The following SCARF1 variants were observed in gnomAD, a reference collection of about 807,000 sequenced individuals.
SCARF1 encodes acetyl LDL receptor.
In SCARF1, 49 loss-of-function variants were observed where a neutral mutation model predicts 76.3. The ratio of observed to expected loss-of-function variants is 0.64; its 90% CI spans 0.51 to 0.81. The LOEUF is 0.81. Ranked by LOEUF, SCARF1 falls within the 40% of genes least tolerant of loss-of-function variation. The pLI is 0.00. For missense variants in SCARF1, 1,098 were observed against 1,143.9 expected, an observed-to-expected ratio of 0.96 and a Z score of 0.58; for synonymous variants, 495 against 474.6, an observed-to-expected ratio of 1.04 and a Z score of -0.56.
chr17:1,645,142 C>G lies in SCARF1; in HGVS notation c.163+36G>C. 1.2e-6 allele frequency: 2 copies of G among 1,613,174 alleles called. No individual in the cohort carries two copies. Among genetic ancestry groups the G allele is most frequent in the Non-Finnish European group, 1.7e-6 (2 of 1,179,510 alleles). On this transcript the variant is annotated intron_variant, in intron 2 of 10. Coordinates refer to ENST00000263071, the MANE Select transcript of SCARF1 (RefSeq NM_003693.4). This position sits in a 1 kb window ranked among gnomAD's most constrained non-coding sequence, Gnocchi z 6.3. ...GGGTTGTCACTGGGCTACGGCCTCC[C>G]TTCTCCTTGGCTGAGGGTCTGTCCT...
Position 1,645,709 on chromosome 17 carries a change from C to G in SCARF1, c.-12G>C, listed in dbSNP as rs370802289. On this transcript the variant is annotated 5_prime_UTR_variant, in exon 1 of 11. Transcript: ENST00000263071. The surrounding 1 kb of genome is among the most constrained non-coding windows in gnomAD (Gnocchi z 6.3). ...AGCCCCAGCCCCATGGCAGGCAGCT[C>G]GGTGGGAGCGCTCGGGTTCGTCTGG... The G allele has an allele frequency of 5.0e-6, 8 of 1,586,754 alleles. No individual in the cohort carries two copies. Among genetic ancestry groups the G allele is most frequent in the African/African-American group, 2.7e-5 (2 of 74,358 alleles).
Position 1,643,786 on chromosome 17 carries a change from G to A in SCARF1, c.447C>T (p.His149=). Residue 149 remains histidine, a synonymous_variant, in exon 4 of 11, where the codon CAC becomes CAT. Coordinates refer to ENST00000263071, the MANE Select transcript of SCARF1 (RefSeq NM_003693.4). ...GRCDPATGVC[H]CEPGWWSSTC... ...TGGACGACCACCAGCCGGGTTCGCA[G>A]TGGCACACGCCGGTCGCGGGGTCGC... The A allele has an allele frequency of 1.1e-5, 14 of 1,276,698 alleles. No homozygotes were observed. Among genetic ancestry groups the A allele is most frequent in the Non-Finnish European group, 1.3e-5 (13 of 1,015,568 alleles). 79.1% of individuals were successfully genotyped at this position (1,276,698 alleles called of 1,614,324 possible). A position where few individuals can be genotyped will look rare whatever the true frequency, so the allele number is the denominator to read the frequency against.
At position 1,645,679 on chromosome 17, in the gene SCARF1, G is replaced by GCAGCAGCC; in HGVS notation, c.11_18dup (p.Leu7GlyfsTer67). On this transcript the variant is annotated frameshift_variant, in exon 1 of 11. Coordinates refer to ENST00000263071, the MANE Select transcript of SCARF1 (RefSeq NM_003693.4). LOFTEE classifies it high-confidence loss of function. The surrounding 1 kb of genome is among the most constrained non-coding windows in gnomAD (Gnocchi z 6.3). ...CGAGTCCAGAGCAGCAGCAGCGGGA[G>GCAGCAGCC]CAGCAGCCCCAGCCCCATGGCAGGC... 1 of 1,606,618 alleles carries GCAGCAGCC rather than the reference G, an allele frequency of 6.2e-7. No individual in the cohort carries two copies. Among genetic ancestry groups the GCAGCAGCC allele is most frequent in the Non-Finnish European group, 8.5e-7 (1 of 1,178,654 alleles).
At position 1,637,026 on chromosome 17, in the gene SCARF1, C is replaced by T. The variant is rs879505258; in HGVS notation, c.1401G>A (p.Lys467=). 10 of 1,613,928 alleles carry T rather than the reference C, an allele frequency of 6.2e-6. No individual in the cohort carries two copies. Among genetic ancestry groups the T allele is most frequent in the Non-Finnish European group, 8.5e-6 (10 of 1,180,030 alleles). ...TGGTCAGTGTCCCCCAGACCTGCAG[C>T]TTCATCCTGGACACGGTAGCTCCAT... ...ARDGATVSRM[K]LQVWGTLTSL... is the part of the protein sequence containing the mutation. Residue 467 remains lysine, a synonymous_variant, in exon 9 of 11, where the codon AAG becomes AAA. Coordinates refer to ENST00000263071, the MANE Select transcript of SCARF1 (RefSeq NM_003693.4).
Position 1,644,044 on chromosome 17 carries a change from G to T in SCARF1, c.266-77C>A. ...CCTTACCCTGCGTCCCCTTCCTCAAGGAAAAGGGGCGCTGGGCCCATCCTC... is the reference window on the plus strand; with the variant it reads ...CCTTACCCTGCGTCCCCTTCCTCAATGAAAAGGGGCGCTGGGCCCATCCTC... On this transcript the variant is annotated intron_variant, in intron 3 of 10. Transcript: ENST00000263071. This position sits in a 1 kb window ranked among gnomAD's most constrained non-coding sequence, Gnocchi z 4.8. 8.7e-7 allele frequency: 1 copy of T among 1,148,662 alleles called. No individual in the cohort carries two copies. The highest frequency in any genetic ancestry group is 1.1e-6 in the Non-Finnish European group (1 of 904,276). 71.2% of individuals were successfully genotyped at this position (1,148,662 alleles called of 1,614,324 possible).
In SCARF1 at chr17:1,635,124, GA is replaced by G; in HGVS notation, c.2126del (p.Phe709SerfsTer28). 6.2e-7 allele frequency: 1 copy of G among 1,613,800 alleles called. No individual in the cohort carries two copies. On this transcript the variant is annotated frameshift_variant, in exon 11 of 11. Transcript: ENST00000263071. LOFTEE classifies it low-confidence loss of function (END_TRUNC). ...CTTTCTGGAAGCTACCAAAATGGCG[GA>G]AGACAGAGCGGACAGGGCCTTCGGA... is the stretch of plus-strand genomic sequence containing the variant. The part of the protein sequence containing the change: ...RGSEGPVRSV[F>X]RHFGSFQKGQ...
rs1909447751 is a variant in SCARF1 at position 1,635,302 on chromosome 17, GC to G, written c.1948del (p.Ala650LeufsTer39). ...AGTGGCTGAATCCCCGGGACTGGCA[GC>G]CGCCGGAAAGGACTCGGGGGCTTCT... ...EAEAPESFPA[A>X]ASPGDSATGH... On this transcript the variant is annotated frameshift_variant, in exon 11 of 11. Transcript: ENST00000263071. LOFTEE classifies it low-confidence loss of function (END_TRUNC). The G allele has an allele frequency of 1.9e-6, 3 of 1,612,206 alleles. No homozygotes were observed. In the Admixed American group the frequency reaches 5.0e-5, roughly 27 times the overall value.
Position 1,645,523 on chromosome 17 carries a change from G to C in SCARF1, c.101+74C>G. On this transcript the variant is annotated intron_variant, in intron 1 of 10. Transcript: ENST00000263071. This position sits in a 1 kb window ranked among gnomAD's most constrained non-coding sequence, Gnocchi z 6.3. ...TCCTTCCCCTAACGGCCTCAACACC[G>C]GTTCAGCCACCCGCATCAGACTCCC... The C allele has an allele frequency of 1.9e-6, 3 of 1,552,430 alleles. No homozygotes were observed. Among genetic ancestry groups the C allele is most frequent in the Non-Finnish European group, 2.6e-6 (3 of 1,155,722 alleles).
In SCARF1 at chr17:1,634,388, CAAAAA is replaced by C. The variant is rs57812361; in HGVS notation, c.*365_*369del. ...TGGGGGACAGAGGGAGATTCTGTCT[CAAAAA>C]AAAAAAAAAAAATTTGTTTAGCCAA... On this transcript the variant is annotated 3_prime_UTR_variant, in exon 11 of 11. Transcript: ENST00000263071. 6.1e-6 allele frequency: 2 copies of C among 329,810 alleles called. No homozygotes were observed. Among genetic ancestry groups the C allele is most frequent in the East Asian group, 4.6e-5 (1 of 21,646 alleles). 20.4% of individuals were successfully genotyped at this position (329,810 alleles called of 1,614,324 possible).
In SCARF1 at chr17:1,645,059, C is replaced by G; in HGVS notation, c.163+119G>C. On this transcript the variant is annotated intron_variant, in intron 2 of 10. Transcript: ENST00000263071. The surrounding 1 kb of genome is among the most constrained non-coding windows in gnomAD (Gnocchi z 6.3). Reference sequence around the variant, plus strand: ...CCCCTTCAGGCCTGGGGGTGCGTCACAGGAGAAACCCTGACTCCTGGTATC... The same window carrying G: ...CCCCTTCAGGCCTGGGGGTGCGTCAGAGGAGAAACCCTGACTCCTGGTATC... 2.6e-6 allele frequency: 4 copies of G among 1,535,916 alleles called. No individual in the cohort carries two copies. The East Asian group carries it at 9.2e-5, about 35-fold the overall frequency.
rs2272012 is a variant in SCARF1, at chr17:1,638,859, G to A, written c.1311C>T (p.Gly437=). The A allele has an allele frequency of 0.62, 1,003,488 of 1,608,890 alleles. 316,813 individuals are homozygous for A. The highest frequency in any genetic ancestry group is 0.88 in the East Asian group (39,335 of 44,752). Residue 437 remains glycine (G), a synonymous_variant, in exon 8 of 11, where the codon GGC becomes GGT. Transcript: ENST00000263071. ...SLVPLLLLFL[G]LACCACCCWA... ...AGCAGCAGCAGGCACAGCAGGCAAG[G>A]CCCAGGAAGAGCAGCAGCAGAGGCA...
chr17:1,636,635 T>C lies in SCARF1; in HGVS notation c.1633+74A>G. The C allele has an allele frequency of 2.6e-6, 4 of 1,520,064 alleles. No individual in the cohort carries two copies. In the East Asian group the frequency reaches 6.8e-5, roughly 26 times the overall value. The allele number at this position is 1,520,064 out of a possible 1,614,324, so 94.2% of individuals were successfully genotyped here. A position where few individuals can be genotyped will look rare whatever the true frequency, so the allele number is the denominator to read the frequency against. ...TCAAAAAAAAATAAAAATAAATAAC[T>C]TTGCTGGAGGACTAAAGAGGGGGTC... On this transcript the variant is annotated intron_variant, in intron 10 of 10. Transcript: ENST00000263071.
In SCARF1 at chr17:1,645,341, G is replaced by GC. The variant is rs1229824816; in HGVS notation, c.102-103dup. On this transcript the variant is annotated intron_variant, in intron 1 of 10. Coordinates refer to ENST00000263071, the MANE Select transcript of SCARF1 (RefSeq NM_003693.4). This position sits in a 1 kb window ranked among gnomAD's most constrained non-coding sequence, Gnocchi z 6.3. ...GGCTGCAGTGGGGGAGGCTGCCTTA[G>GC]CCCCCTGGGGAGGCCTAATGGATCT... The GC allele has an allele frequency of 7.5e-6, 11 of 1,476,142 alleles. No individual in the cohort carries two copies. The highest frequency in any genetic ancestry group is 1.9e-5 in the Admixed American group (1 of 52,194). 91.4% of individuals were successfully genotyped at this position (1,476,142 alleles called of 1,614,324 possible). A position where few individuals can be genotyped will look rare whatever the true frequency, so the allele number is the denominator to read the frequency against.
In SCARF1 at chr17:1,644,819, G is replaced by A. The variant is rs1008442699; in HGVS notation, c.265+15C>T. On this transcript the variant is annotated intron_variant, in intron 3 of 10. Transcript: ENST00000263071. The surrounding 1 kb of genome is among the most constrained non-coding windows in gnomAD (Gnocchi z 4.8). ...CAGCTCTGCCCAGCAACTTCATCTGGCCCTTGAGACTCACGGGAGCTGCAG... is the reference window on the plus strand; with the variant it reads ...CAGCTCTGCCCAGCAACTTCATCTGACCCTTGAGACTCACGGGAGCTGCAG... 6 of 1,607,644 alleles carry A rather than the reference G, an allele frequency of 3.7e-6. No homozygotes were observed. The highest frequency in any genetic ancestry group is 1.7e-5 in the Admixed American group (1 of 59,218).
intron 8 of SCARF1, 82 bp downstream of exon 8, chr17:1,638,724 C>A (rs1363654997): frequency 2.1e-6 from 3 of 1,439,570 alleles, no homozygotes; most frequent in African/African-American, 1.4e-5. Context: ...CCAGCCCTCC[C>A]CACCCCACAA....
intron 4 of SCARF1, among the ~76,000 whole-genome samples, chr17:1,641,709 T>C (rs1277691080): frequency 6.6e-6 from 1 of 152,170 alleles, no homozygotes; most frequent in Non-Finnish European, 1.5e-5. Flanking sequence ...AGCATTTTTA[T>C]TTCTTATTTT....
In SCARF1 at chr17:1,645,606, A is replaced by G; in HGVS notation, c.92T>C (p.Val31Ala). The change falls in exon 1 of 11, where the codon GTG (valine) becomes GCG (alanine). Residue 31 changes from valine to alanine, a missense_variant. Coordinates refer to ENST00000263071, the MANE Select transcript of SCARF1 (RefSeq NM_003693.4). The surrounding 1 kb of genome is among the most constrained non-coding windows in gnomAD (Gnocchi z 6.3). ...ELDPKGQHVC[V>A]ASSPSAELQC... is the part of the protein sequence containing the mutation. ...CTCCCACGAGACCCACCTGCTGGCC[A>G]CACAGACGTGCTGCCCTTTGGGGTC... 6.2e-7 allele frequency: 1 copy of G among 1,604,452 alleles called. No individual in the cohort carries two copies. Among genetic ancestry groups the G allele is most frequent in the Non-Finnish European group, 8.5e-7 (1 of 1,178,382 alleles).
chr17:1,639,853 G>T (rs1385659974), intron 6 of SCARF1, 59 bp downstream of exon 6: 1 of 1,609,886 alleles, frequency 6.2e-7, no homozygotes, highest in Non-Finnish European at 8.5e-7. Flanking sequence ...AGGAAATGCT[G>T]CACAGAGCCC....
At position 1,634,297 on chromosome 17, in the gene SCARF1, G is replaced by C. The variant is rs766979480; in HGVS notation, c.*461C>G. 4.3e-6 allele frequency: 1 copy of C among 233,296 alleles called. No individual in the cohort carries two copies. The highest frequency in any genetic ancestry group is 2.3e-5 in the African/African-American group (1 of 44,242). The allele number at this position is 233,296 out of a possible 1,614,324, so 14.5% of individuals were successfully genotyped here. On this transcript the variant is annotated 3_prime_UTR_variant, in exon 11 of 11. Transcript: ENST00000263071. ...CCAGCTACTCGGGAGGCTGAGGCAG[G>C]AGAAGGGCGTGAACCCGGGAGGCAG...
Sources: gnomAD v4.1 joint callset for allele counts (sites outside exome capture counted in the v4.1 genomes callset) on GRCh38, gnomAD v4.1.1 for gene constraint, Gnocchi (gnomAD v3.1) non-coding constraint, MANE v1.5 for transcripts, NCBI Gene and HGNC (gene_info 2026-07-23, HGNC 2026-07-21) for gene names.